Variants in DMXL2 observed in about 807,000 individuals in gnomAD.
DMXL2 encodes dmX-like protein 2.
In DMXL2, 103 loss-of-function variants were observed where a neutral mutation model predicts 331.1. The observed-to-expected ratio is 0.31, with a 90% confidence interval of 0.27 to 0.37. DMXL2 has a LOEUF of 0.37. Ranked by LOEUF, DMXL2 falls within the 10% of genes least tolerant of loss-of-function variation. The pLI, the probability that DMXL2 is intolerant of heterozygous loss-of-function variation, is 1.00. For synonymous variants in DMXL2, 1,281 were observed against 1,252.1 expected (o/e 1.02, Z -0.49); for missense variants, 3,171 against 3,642.9 (o/e 0.87, Z 3.33).
chr15:51,573,998 C>T (rs2050849029), intron 2 of DMXL2, among the ~76,000 whole-genome samples: 1 of 151,936 alleles, frequency 6.6e-6, no homozygotes, highest in South Asian at 2.1e-4. Flanking sequence ...ATGAGAAAAG[C>T]ATCAACTAAT....
rs746572067 is a variant in DMXL2, at chr15:51,616,351, CG to C, written c.87+6107del. Among the ~76,000 whole-genome samples the C allele has an allele frequency of 2.0e-4, 30 of 149,690 alleles. No individual in the cohort carries two copies. In the East Asian group the frequency reaches 3.9e-3, roughly 19 times the overall value. ...TTTGAGAGTAAAACTTGCAGGCAAA[CG>C]AAAAAAAAAGAAATTTAAGAAAACA... On this transcript the variant is annotated intron_variant, in intron 1 of 43. Coordinates refer to ENST00000560891, the MANE Select transcript of DMXL2 (RefSeq NM_001378457.1).
At chr15:51,557,862 A>G (rs773603564) in intron 6 of DMXL2, among the ~76,000 whole-genome samples, 7 of 152,264 alleles carry the variant, frequency 4.6e-5, no homozygotes, top group Non-Finnish European at 1.0e-4. Flanking sequence ...TCACATCTAA[A>G]CATTATTTCA....
chr15:51,610,747 G>T (rs372596286), intron 1 of DMXL2, among the ~76,000 whole-genome samples: 1 of 147,710 alleles, frequency 6.8e-6, no homozygotes, highest in Non-Finnish European at 1.5e-5. Flanking sequence ...CAGCCTGGGC[G>T]ACAGAGCGAG....
chr15:51,539,920 C>T (rs2048494692), intron 9 of DMXL2, among the ~76,000 whole-genome samples: 1 of 152,204 alleles, frequency 6.6e-6, no homozygotes, highest in Admixed American at 6.5e-5. Flanking sequence ...AATGCATGGA[C>T]ATTCTGGTAA....
chr15:51,453,843 T>C (rs577363200), intron 40 of DMXL2, among the ~76,000 whole-genome samples: 134 of 152,250 alleles, frequency 8.8e-4, no homozygotes, highest in Non-Finnish European at 1.5e-3. Context: ...CAATAATTTT[T>C]AATAACTGGA....
At chr15:51,590,114 C>T (rs762462879) in intron 1 of DMXL2, among the ~76,000 whole-genome samples, 5 of 152,192 alleles carry the variant, frequency 3.3e-5, no homozygotes, top group Non-Finnish European at 7.3e-5. Context: ...CTGGATCTGG[C>T]GTTGACACTT....
chr15:51,557,640 G>A (rs1464599368), intron 6 of DMXL2, among the ~76,000 whole-genome samples: 1 of 152,118 alleles, frequency 6.6e-6, no homozygotes, highest in African/African-American at 2.4e-5. Flanking sequence ...TTAATTTAAA[G>A]CTATAGCAAT....
chr15:51,453,713 TCTG>T, intron 40 of DMXL2, 72 bp from the exon 41 acceptor site: 1 of 1,249,220 alleles, frequency 8.0e-7, no homozygotes, highest in Non-Finnish European at 1.2e-6. Context: ...AACATACATG[TCTG>T]CTAATAACAT....
At chr15:51,621,361 T>C (rs1232998964) in intron 1 of DMXL2, among the ~76,000 whole-genome samples, 1 of 152,242 alleles carries the variant, frequency 6.6e-6, no homozygotes, top group Non-Finnish European at 1.5e-5. Context: ...TTCCGCAGTT[T>C]TAAAAACACT....
At chr15:51,618,334 C>T (rs1010825355) in intron 1 of DMXL2, among the ~76,000 whole-genome samples, 1 of 150,204 alleles carries the variant, frequency 6.7e-6, no homozygotes. Flanking sequence ...TTTTTAATAC[C>T]CACAAAGCTT....
chr15:51,464,430 A>G (rs1399431020), intron 32 of DMXL2, among the ~76,000 whole-genome samples: 2 of 152,100 alleles, frequency 1.3e-5, no homozygotes, highest in African/African-American at 2.4e-5. Context: ...AACAAAAAAC[A>G]CCACACCGGA....
rs1291961046 is a variant in DMXL2 at position 51,499,702 on chromosome 15, T to C, written c.3522A>G (p.Val1174=). 1.2e-6 allele frequency: 2 copies of C among 1,614,100 alleles called. No homozygotes were observed. The highest frequency in any genetic ancestry group is 1.7e-5 in the Admixed American group (1 of 60,026). Residue 1174 remains valine (V), a synonymous_variant, in exon 18 of 44, where the codon GTA becomes GTG. Coordinates refer to ENST00000560891, the MANE Select transcript of DMXL2 (RefSeq NM_001378457.1). The part of the protein sequence containing the change: ...NIKHLVHLDW[V]SKEDGSHILT... Reference sequence around the variant, plus strand: ...GAATGTGGGAGCCATCTTCTTTTGATACCCAGTCCAAATGTACTAAATGTT... The same window carrying C: ...GAATGTGGGAGCCATCTTCTTTTGACACCCAGTCCAAATGTACTAAATGTT...
At position 51,471,351 on chromosome 15, in the gene DMXL2, T is replaced by C. The variant is rs1841649196; in HGVS notation, c.7264A>G (p.Met2422Val). Reference sequence around the variant, plus strand: ...GGCCTTCCAGGGACGAGCATTCTCATGTTAAATCTCCTACGGTGTTTATCT... The same window carrying C: ...GGCCTTCCAGGGACGAGCATTCTCACGTTAAATCTCCTACGGTGTTTATCT... ...DIDKHRRRFNMRMLVPGRPVK... is the reference protein window; with the variant it reads ...DIDKHRRRFNVRMLVPGRPVK... The change falls in exon 29 of 44, where the codon ATG becomes GTG. Residue 2422 changes from methionine to valine, a missense_variant. Transcript: ENST00000560891. 2 of 1,613,946 alleles carry C rather than the reference T, an allele frequency of 1.2e-6. No individual in the cohort carries two copies. The highest frequency in any genetic ancestry group is 1.6e-4 in the Middle Eastern group (1 of 6,084).
Position 51,537,656 on chromosome 15 carries a change from T to C in DMXL2, c.1449A>G (p.Pro483=), listed in dbSNP as rs1301934908. ...CAAGCAGAACCGTAGGCAGTGGCAT[T>C]GGTACACTAAGTCGTGAGTAAGTTC... ...SPRTYSRLSV[P]MPLPTVLLDR... Residue 483 remains proline (P), a synonymous_variant, in exon 11 of 44, where the codon CCA becomes CCG. Coordinates refer to ENST00000560891, the MANE Select transcript of DMXL2 (RefSeq NM_001378457.1). The C allele has an allele frequency of 1.9e-6, 3 of 1,613,986 alleles. No individual in the cohort carries two copies. The highest frequency in any genetic ancestry group is 2.2e-5 in the East Asian group (1 of 44,852).
At chr15:51,562,582 G>C (rs2050038662) in intron 6 of DMXL2, among the ~76,000 whole-genome samples, 1 of 152,030 alleles carries the variant, frequency 6.6e-6, no homozygotes, top group African/African-American at 2.4e-5. Flanking sequence ...CATGTTCCCA[G>C]AATACCTCCT....
intron 13 of DMXL2, among the ~76,000 whole-genome samples, chr15:51,519,633 C>CTT (rs1555426962): frequency 4.2e-5 from 5 of 118,310 alleles, no homozygotes; most frequent in African/African-American, 1.3e-4. Context: ...GACAAAGTCT[C>CTT]TTGTTTTTTT....
chr15:51,595,923 G>C (rs2052767009), intron 1 of DMXL2, among the ~76,000 whole-genome samples: 1 of 152,140 alleles, frequency 6.6e-6, no homozygotes, highest in Admixed American at 6.6e-5. Flanking sequence ...ATTAATTCAA[G>C]ATGGATTAAA....
chr15:51,499,079 A>T lies in DMXL2; in HGVS notation c.4145T>A (p.Val1382Asp), dbSNP rs2043394057. The change falls in exon 18 of 44, where the codon GTT becomes GAT. Residue 1382 changes from valine to aspartate, a missense_variant. Around this residue, in one of 7 missense-constraint regions of DMXL2, gnomAD observed 1,674 missense variants for 1,780.2 expected, o/e 0.94. Transcript: ENST00000560891. Reference protein sequence around the residue: ...VKCIAGEVAIVRDPDAGEGTK... With the variant: ...VKCIAGEVAIDRDPDAGEGTK... ...TCCTTCTCCAGCATCAGGATCTCTA[A>T]CTATTGCTACTTCACCTGCAATACA... The T allele has an allele frequency of 1.2e-6, 2 of 1,614,058 alleles. No individual in the cohort carries two copies. The highest frequency in any genetic ancestry group is 4.5e-5 in the East Asian group (2 of 44,876).
Position 51,622,563 on chromosome 15 carries a change from G to T in DMXL2, c.-18C>A. The T allele has an allele frequency of 6.5e-7, 1 of 1,544,858 alleles. No homozygotes were observed. Among genetic ancestry groups the T allele is most frequent in the Non-Finnish European group, 8.7e-7 (1 of 1,143,214 alleles). On this transcript the variant is annotated 5_prime_UTR_variant, in exon 1 of 44. Transcript: ENST00000560891. ...AGATGCATCTCCGGAGCCCGGGCTG[G>T]ACAGAATGCGCGGGAGGTGCGACAA... is the stretch of plus-strand genomic sequence containing the variant.
Sources: gnomAD v4.1 joint callset for allele counts (sites outside exome capture counted in the v4.1 genomes callset) on GRCh38, gnomAD v4.1.1 for gene constraint, gnomAD v4.1.1 regional missense constraint, MANE v1.5 for transcripts, NCBI Gene and HGNC (gene_info 2026-07-23, HGNC 2026-07-21) for gene names.